The following NSMAF variants were observed in gnomAD, a reference collection of about 807,000 sequenced individuals.
NSMAF encodes protein FAN.
A neutral mutation model predicts 134.9 loss-of-function variants in NSMAF; 90 were observed. The observed-to-expected ratio is 0.67, with a 90% CI of 0.56 to 0.79. The LOEUF (loss-of-function observed/expected upper bound fraction) is 0.79. NSMAF is among the 30% of genes least tolerant of loss of function. The pLI is 0.00. For missense variants in NSMAF, 1,010 were observed against 1,119.0 expected (o/e 0.90, Z 1.39); for synonymous variants, 358 against 389.6 (o/e 0.92, Z 0.96).
In NSMAF at chr8:58,586,949, C is replaced by T. The variant is rs574437554; in HGVS notation, c.2296-341G>A. 3.3e-5 allele frequency among the ~76,000 whole-genome samples: 5 copies of T among 152,274 alleles called. No homozygotes were observed. The East Asian group carries it at 9.6e-4, about 29-fold the overall frequency. On this transcript the variant is annotated intron_variant, in intron 27 of 30. Coordinates refer to ENST00000038176, the MANE Select transcript of NSMAF (RefSeq NM_003580.4). ...GCCGCCAAAGTGCCTGAAGCACAGCCAGTCCATGATTATTTGAGGGATTTG... is the reference window on the plus strand; with the variant it reads ...GCCGCCAAAGTGCCTGAAGCACAGCTAGTCCATGATTATTTGAGGGATTTG...
intron 15 of NSMAF, 31 bp from the exon 16 acceptor site, chr8:58,601,379 G>A (rs765098298): frequency 1.2e-6 from 2 of 1,610,554 alleles, no homozygotes; most frequent in South Asian, 1.1e-5. Context: ...GGTAAGTCAG[G>A]TCACAGAATC....
At chr8:58,590,992 C>T in intron 23 of NSMAF, 58 bp from the exon 24 acceptor site, 1 of 1,508,458 alleles carries the variant, frequency 6.6e-7, no homozygotes, top group Non-Finnish European at 9.0e-7. Context: ...TTACAGACGT[C>T]AAAGAACAGC....
chr8:58,599,946 T>G (rs760436527), intron 17 of NSMAF, 24 bp downstream of exon 17: 2 of 1,613,338 alleles, frequency 1.2e-6, no homozygotes, highest in Non-Finnish European at 1.7e-6. Flanking sequence ...GTCCAGTTAC[T>G]CATCAGCTTT....
intron 21 of NSMAF, 130 bp downstream of exon 21, chr8:58,597,257 G>A: frequency 1.2e-6 from 1 of 807,834 alleles, no homozygotes; most frequent in South Asian, 1.7e-5. Flanking sequence ...CAGGAGAACT[G>A]CAATAAGGCA....
At chr8:58,618,484 A>T (rs1426803683) in intron 9 of NSMAF, among the ~76,000 whole-genome samples, 1 of 152,036 alleles carries the variant, frequency 6.6e-6, no homozygotes, top group African/African-American at 2.4e-5. Flanking sequence ...TATCCTTCTA[A>T]CAAGTACCTG....
chr8:58,635,605 A>T, intron 2 of NSMAF, 59 bp from the exon 3 acceptor site: 8 of 1,040,032 alleles, frequency 7.7e-6, no homozygotes, highest in Non-Finnish European at 1.1e-5. Context: ...CAAGATAATC[A>T]TAGTACATTT....
rs1807158813 is a variant in NSMAF, at chr8:58,635,684, CT to C, written c.150-139del. 4 of 559,546 alleles carry C rather than the reference CT, an allele frequency of 7.1e-6. No homozygotes were observed. The East Asian group carries it at 1.2e-4, about 16-fold the overall frequency. The allele number at this position is 559,546 out of a possible 1,614,324, so 34.7% of individuals were successfully genotyped here. A position where few individuals can be genotyped will look rare whatever the true frequency, so the allele number is the denominator to read the frequency against. On this transcript the variant is annotated intron_variant, in intron 2 of 30. Transcript: ENST00000038176. ...AATAATGCATATAAAGAGAACGTCT[CT>C]ATTTTTAAATTAACTGGTAAAACAA...
intron 6 of NSMAF, among the ~76,000 whole-genome samples, chr8:58,628,725 T>G (rs916320068): frequency 6.6e-6 from 1 of 152,210 alleles, no homozygotes; most frequent in African/African-American, 2.4e-5. Flanking sequence ...GATCTAATGG[T>G]GGTAAACTCT....
intron 2 of NSMAF, 76 bp from the exon 3 acceptor site, chr8:58,635,622 G>C (rs2129146320): frequency 1.2e-6 from 1 of 865,564 alleles, no homozygotes; most frequent in South Asian, 1.7e-5. Flanking sequence ...ATTTTAACTA[G>C]AAAGCAGGTT....
chr8:58,647,040 T>C (rs900151271), intron 1 of NSMAF, among the ~76,000 whole-genome samples: 1 of 152,250 alleles, frequency 6.6e-6, no homozygotes, highest in African/African-American at 2.4e-5. Context: ...TCAACAATTA[T>C]TCAACACTCA....
chr8:58,591,425 A>G (rs1806019771), intron 23 of NSMAF, among the ~76,000 whole-genome samples: 1 of 152,078 alleles, frequency 6.6e-6, no homozygotes, highest in Admixed American at 6.6e-5. Flanking sequence ...CTAAATAATA[A>G]TAAAGTAGAA....
intron 6 of NSMAF, among the ~76,000 whole-genome samples, chr8:58,624,873 T>C (rs140238260): frequency 2.6e-5 from 4 of 152,244 alleles, no homozygotes; most frequent in African/African-American, 9.6e-5. Flanking sequence ...TGTGTTGCTA[T>C]CTATTTCTCC....
intron 19 of NSMAF, 62 bp downstream of exon 19, chr8:58,599,170 G>A (rs1806214049): frequency 6.7e-7 from 1 of 1,491,110 alleles, no homozygotes; most frequent in Non-Finnish European, 9.1e-7. Flanking sequence ...ATTTTCCAAT[G>A]AAAATGAATA....
At chr8:58,620,744 A>AGGAAGATAACTTTGT (rs1169199159) in intron 9 of NSMAF, among the ~76,000 whole-genome samples, 1 of 152,208 alleles carries the variant, frequency 6.6e-6, no homozygotes, top group African/African-American at 2.4e-5. Flanking sequence ...TGTTTGTTTT[A>AGGAAGATAACTTTGT]GGAAGATAAC....
At chr8:58,616,558 T>C (rs1468997832) in intron 9 of NSMAF, among the ~76,000 whole-genome samples, 3 of 152,270 alleles carry the variant, frequency 2.0e-5, no homozygotes, top group East Asian at 1.9e-4. Context: ...ACACCCATTA[T>C]TGAAAAAACT....
At chr8:58,643,846 T>G (rs191888132) in intron 1 of NSMAF, among the ~76,000 whole-genome samples, 1 of 152,344 alleles carries the variant, frequency 6.6e-6, no homozygotes, top group Non-Finnish European at 1.5e-5. Context: ...TCTTTAGATA[T>G]TCCCTTGTGA....
Position 58,655,885 on chromosome 8 carries a change from C to T in NSMAF, c.59+3688G>A, listed in dbSNP as rs144218057. On this transcript the variant is annotated intron_variant, in intron 1 of 30. Coordinates refer to ENST00000038176, the MANE Select transcript of NSMAF (RefSeq NM_003580.4). The stretch of plus-strand genomic sequence containing the variant: ...TCGTGCCACTGCACTCCAGCCTGGG[C>T]GAGAGTGAGACTCCGTCTCAATAAA... 8.2e-3 allele frequency among the ~76,000 whole-genome samples: 1,244 copies of T among 150,834 alleles called. 21 individuals carry two copies. The highest frequency in any genetic ancestry group is 0.028 in the African/African-American group (1,157 of 41,048).
intron 6 of NSMAF, among the ~76,000 whole-genome samples, chr8:58,624,489 TTC>T (rs1276567495): frequency 2.6e-5 from 4 of 152,204 alleles, no homozygotes; most frequent in African/African-American, 7.2e-5. Flanking sequence ...ATTTTAAATT[TTC>T]TCTTTTTTTT....
intron 9 of NSMAF, among the ~76,000 whole-genome samples, chr8:58,610,000 G>T (rs1337381054): frequency 6.6e-6 from 1 of 152,062 alleles, no homozygotes; most frequent in East Asian, 1.9e-4. Context: ...ATAACCCTTA[G>T]CTAAACTCAT....
Sources: gnomAD v4.1 joint callset for allele counts (sites outside exome capture counted in the v4.1 genomes callset) on GRCh38, gnomAD v4.1.1 for gene constraint, MANE v1.5 for transcripts, NCBI Gene and HGNC (gene_info 2026-07-23, HGNC 2026-07-21) for gene names.